SHC4: variants seen among roughly 807,000 people sequenced by gnomAD.
SHC4 encodes the protein SHC-transforming protein 4.
SHC4 carries 41 observed loss-of-function variants against 69.4 expected under a neutral mutation model. The ratio of observed to expected loss-of-function variants is 0.59; its 90% confidence interval spans 0.46 to 0.77. The LOEUF (loss-of-function observed/expected upper bound fraction) is 0.77. Among genes scored for constraint, SHC4 ranks in the 30% least tolerant of loss-of-function variants. The pLI is 0.00. For missense variants in SHC4, 777 were observed against 783.8 expected (o/e 0.99, Z 0.10); for synonymous variants, 318 against 299.3 (o/e 1.06, Z -0.64).
chr15:48,878,991 T>C (rs963070452), intron 4 of SHC4: 10 of 388,184 alleles, frequency 2.6e-5, no homozygotes, highest in African/African-American at 2.0e-4. Flanking sequence ...CACCTATGGC[T>C]TTGACTTTGT....
At chr15:48,834,159 A>C (rs1458369075) in intron 11 of SHC4, among the ~76,000 whole-genome samples, 1 of 152,184 alleles carries the variant, frequency 6.6e-6, no homozygotes, top group Non-Finnish European at 1.5e-5. Context: ...GTCTACAGGC[A>C]TTCTTTGCTA....
intron 8 of SHC4, among the ~76,000 whole-genome samples, chr15:48,851,731 C>T (rs560944306): frequency 5.3e-5 from 8 of 152,294 alleles, no homozygotes; most frequent in South Asian, 2.1e-4. Flanking sequence ...ATACAACTCT[C>T]GTCAGCAATA....
At chr15:48,920,977 A>AAGG (rs902042262) in intron 2 of SHC4, among the ~76,000 whole-genome samples, 2 of 151,522 alleles carry the variant, frequency 1.3e-5, no homozygotes, top group Admixed American at 6.6e-5. Context: ...GAAGAAGGAG[A>AAGG]AGGAGGAGGA....
At chr15:48,828,140 T>C (rs577765771) in intron 11 of SHC4, among the ~76,000 whole-genome samples, 3 of 151,344 alleles carry the variant, frequency 2.0e-5, no homozygotes, top group African/African-American at 7.3e-5. Context: ...TATATACATC[T>C]GTTATGTAAC....
intron 2 of SHC4, among the ~76,000 whole-genome samples, chr15:48,899,044 G>GAAAA (rs765788629): frequency 1.1e-5 from 1 of 87,852 alleles, no homozygotes; most frequent in East Asian, 2.5e-4. Flanking sequence ...AGCTCATTTA[G>GAAAA]AAAAAAAAAA....
intron 4 of SHC4, among the ~76,000 whole-genome samples, chr15:48,873,635 G>A (rs752525419): frequency 6.6e-6 from 1 of 152,162 alleles, no homozygotes; most frequent in Non-Finnish European, 1.5e-5. Flanking sequence ...CCGCTACTCA[G>A]GAGTCTGAGG....
intron 1 of SHC4, among the ~76,000 whole-genome samples, chr15:48,953,850 C>G (rs1036160311): frequency 6.6e-6 from 1 of 152,066 alleles, no homozygotes; most frequent in Admixed American, 6.5e-5. Context: ...TGTGGCTCAC[C>G]CTCATCCCAT....
chr15:48,824,606 G>C lies in SHC4; in HGVS notation c.*1365C>G, dbSNP rs1276803410. ...GTGTGCCATTCATTCTGTGAGTATG[G>C]ACACAGACTATAGAAGAAAAGCTTA... On this transcript the variant is annotated 3_prime_UTR_variant, in exon 12 of 12. Transcript: ENST00000332408. 6.6e-6 allele frequency: 1 copy of C among 152,058 alleles called. No individual in the cohort carries two copies. Among genetic ancestry groups the C allele is most frequent in the Non-Finnish European group, 1.5e-5 (1 of 68,004 alleles). 9.4% of individuals were successfully genotyped at this position (152,058 alleles called of 1,614,324 possible). A position where few individuals can be genotyped will look rare whatever the true frequency, so the allele number is the denominator to read the frequency against.
intron 2 of SHC4, among the ~76,000 whole-genome samples, chr15:48,907,834 G>A (rs1274662918): frequency 6.7e-6 from 1 of 148,260 alleles, no homozygotes; most frequent in Non-Finnish European, 1.5e-5. Context: ...GTGTGTGTGT[G>A]TGTGTGTATA....
chr15:48,909,234 T>A (rs1567067142), intron 2 of SHC4, among the ~76,000 whole-genome samples: 1 of 152,148 alleles, frequency 6.6e-6, no homozygotes, highest in Admixed American at 6.5e-5. Context: ...TCAGCATTGT[T>A]TTGTAGTCTT....
intron 7 of SHC4, among the ~76,000 whole-genome samples, chr15:48,857,287 GCT>G (rs1899338833): frequency 6.6e-6 from 1 of 151,562 alleles, no homozygotes; most frequent in Non-Finnish European, 1.5e-5. Flanking sequence ...TTCTTATTTT[GCT>G]CTTTGTTCTT....
intron 1 of SHC4, among the ~76,000 whole-genome samples, chr15:48,957,372 C>T (rs1474325294): frequency 1.3e-5 from 2 of 152,182 alleles, no homozygotes; most frequent in African/African-American, 2.4e-5. Context: ...TACTTCAATG[C>T]ACGTCTCCAA....
chr15:48,915,230 G>A (rs1187100083), intron 2 of SHC4, among the ~76,000 whole-genome samples: 1 of 152,200 alleles, frequency 6.6e-6, no homozygotes, highest in African/African-American at 2.4e-5. Context: ...TGTGCCTGCT[G>A]TGTGAAAGAC....
At chr15:48,900,038 A>G (rs1319087016) in intron 2 of SHC4, among the ~76,000 whole-genome samples, 2 of 152,346 alleles carry the variant, frequency 1.3e-5, no homozygotes, top group Non-Finnish European at 2.9e-5. Context: ...GTGTTAAGGA[A>G]TGAGGTCACC....
At chr15:48,932,489 T>C (rs1274769260) in intron 1 of SHC4, among the ~76,000 whole-genome samples, 3 of 152,152 alleles carry the variant, frequency 2.0e-5, no homozygotes, top group Non-Finnish European at 2.9e-5. Context: ...CTGAACTCTT[T>C]AGCCTTTTCC....
At chr15:48,954,527 T>C (rs536521128) in intron 1 of SHC4, among the ~76,000 whole-genome samples, 1 of 152,292 alleles carries the variant, frequency 6.6e-6, no homozygotes, top group Admixed American at 6.5e-5. Flanking sequence ...GTCAATGAAG[T>C]AAATAAACAT....
chr15:48,843,660 C>A, intron 9 of SHC4, 72 bp from the exon 10 acceptor site: 1 of 1,420,004 alleles, frequency 7.0e-7, no homozygotes, highest in South Asian at 1.4e-5. Flanking sequence ...ATGTTTGAGT[C>A]TAGAATTGAT....
chr15:48,935,891 T>C (rs1351659866), intron 1 of SHC4, among the ~76,000 whole-genome samples: 1 of 152,100 alleles, frequency 6.6e-6, no homozygotes, highest in Non-Finnish European at 1.5e-5. Context: ...AATGCTATAA[T>C]AATAGCATTA....
intron 6 of SHC4, 145 bp downstream of exon 6, chr15:48,867,673 C>T (rs1899588897): frequency 1.7e-5 from 10 of 593,204 alleles, no homozygotes; most frequent in Non-Finnish European, 2.5e-5. Flanking sequence ...AATTTATTTC[C>T]AACTCAAATT....
Sources: gnomAD v4.1 joint callset for allele counts (sites outside exome capture counted in the v4.1 genomes callset) on GRCh38, gnomAD v4.1.1 for gene constraint, MANE v1.5 for transcripts, NCBI Gene and HGNC (gene_info 2026-07-23, HGNC 2026-07-21) for gene names.